Variants in RAB3C observed in about 807,000 individuals in gnomAD.
RAB3C encodes the protein RAB3C, member RAS oncogene family.
In RAB3C, 17 loss-of-function variants were observed where a neutral mutation model predicts 26.4. That is an observed-to-expected ratio of 0.64 (90% confidence interval 0.44 to 0.97). RAB3C has a LOEUF of 0.97. Ranked by LOEUF, RAB3C falls within the 50% of genes least tolerant of loss-of-function variation. The probability of loss-of-function intolerance (pLI) is 0.00; values close to 1 mark genes in which losing one functional copy is unlikely to be tolerated. For synonymous variants in RAB3C, 91 were observed against 95.9 expected, an observed-to-expected ratio of 0.95 and a Z score of 0.30; for missense variants, 242 against 281.9, an observed-to-expected ratio of 0.86 and a Z score of 1.01.
chr5:58,809,769 C>T (rs10046101), intron 3 of RAB3C, among the ~76,000 whole-genome samples: 8,002 of 152,212 alleles, frequency 0.053, 286 homozygotes, highest in East Asian at 0.11. Flanking sequence ...AGAGATCCCT[C>T]ACCAGGAACT....
intron 4 of RAB3C, among the ~76,000 whole-genome samples, chr5:58,825,835 T>C (rs1182686607): frequency 6.6e-6 from 1 of 152,102 alleles, no homozygotes; most frequent in African/African-American, 2.4e-5. Context: ...GGATTGATGA[T>C]TGATGATTGA....
intron 2 of RAB3C, among the ~76,000 whole-genome samples, chr5:58,620,153 C>T (rs778461464): frequency 1.2e-4 from 19 of 152,178 alleles, no homozygotes; most frequent in South Asian, 6.2e-4. Flanking sequence ...TTCTCCTGCT[C>T]TGTGGATGCC....
chr5:58,601,171 T>A (rs1228155154), intron 1 of RAB3C, among the ~76,000 whole-genome samples: 1 of 152,160 alleles, frequency 6.6e-6, no homozygotes, highest in Non-Finnish European at 1.5e-5. Context: ...TGTTAAACTG[T>A]CCCTGCATAT....
chr5:58,713,652 A>G (rs1472065502), intron 2 of RAB3C, among the ~76,000 whole-genome samples: 1 of 152,236 alleles, frequency 6.6e-6, no homozygotes, highest in Non-Finnish European at 1.5e-5. Flanking sequence ...TTTAGAATTG[A>G]CAATGGTAAT....
intron 1 of RAB3C, among the ~76,000 whole-genome samples, chr5:58,584,222 A>C (rs1490834766): frequency 6.6e-6 from 1 of 152,202 alleles, no homozygotes; most frequent in Non-Finnish European, 1.5e-5. Context: ...AGCGTTTTCC[A>C]ACTGGTTTCT....
At position 58,617,884 on chromosome 5, in the gene RAB3C, A is replaced by T; in HGVS notation, c.252+14A>T. 1 of 1,532,214 alleles carries T rather than the reference A, an allele frequency of 6.5e-7. No homozygotes were observed. The allele number at this position is 1,532,214 out of a possible 1,614,324, so 94.9% of individuals were successfully genotyped here. Reference sequence around the variant, plus strand: ...CTTCAGATTTGGGTAAGTGGCTTTGAACTGGCAGTGTTCTTCAGGCTGGGG... The same window carrying T: ...CTTCAGATTTGGGTAAGTGGCTTTGTACTGGCAGTGTTCTTCAGGCTGGGG... On this transcript the variant is annotated intron_variant, in intron 2 of 4. Coordinates refer to ENST00000282878, the MANE Select transcript of RAB3C (RefSeq NM_138453.4).
intron 2 of RAB3C, among the ~76,000 whole-genome samples, chr5:58,673,573 T>C (rs1748166601): frequency 1.3e-5 from 2 of 151,858 alleles, no homozygotes; most frequent in South Asian, 4.2e-4. Flanking sequence ...TAAAAAGACA[T>C]CATACATTTT....
At chr5:58,786,434 G>T (rs934315063) in intron 3 of RAB3C, among the ~76,000 whole-genome samples, 1 of 152,044 alleles carries the variant, frequency 6.6e-6, no homozygotes, top group South Asian at 2.1e-4. Context: ...TGGAACAGGC[G>T]ACTCCAGACA....
intron 1 of RAB3C, among the ~76,000 whole-genome samples, chr5:58,605,565 C>T (rs553683214): frequency 6.6e-5 from 10 of 152,066 alleles, no homozygotes; most frequent in Non-Finnish European, 8.8e-5. Context: ...CACAACTTAA[C>T]GGAGCAGAAA....
At chr5:58,778,362 A>T (rs1054981978) in intron 3 of RAB3C, among the ~76,000 whole-genome samples, 7 of 152,118 alleles carry the variant, frequency 4.6e-5, no homozygotes, top group African/African-American at 1.7e-4. Context: ...CAATCTTAAA[A>T]TCCTTTAGAG....
At chr5:58,666,650 A>C (rs554853999) in intron 2 of RAB3C, among the ~76,000 whole-genome samples, 1 of 152,206 alleles carries the variant, frequency 6.6e-6, no homozygotes, top group Non-Finnish European at 1.5e-5. Flanking sequence ...GTTAGTAGAG[A>C]TAGGGGCTGC....
chr5:58,839,349 T>TTTA (rs60911473), intron 4 of RAB3C, among the ~76,000 whole-genome samples: 1,643 of 98,840 alleles, frequency 0.017, 25 homozygotes, highest in Middle Eastern at 0.03. Context: ...TAAGTTTTTA[T>TTTA]TTTATTTATT....
intron 3 of RAB3C, among the ~76,000 whole-genome samples, chr5:58,740,486 C>A (rs2591920): frequency 0.54 from 81,539 of 151,920 alleles, 22,408 homozygotes; most frequent in East Asian, 0.63. Flanking sequence ...ATTTATATAA[C>A]TGTTATGTCA....
At chr5:58,838,353 C>G (rs952489575) in intron 4 of RAB3C, among the ~76,000 whole-genome samples, 1 of 150,330 alleles carries the variant, frequency 6.7e-6, no homozygotes, top group Non-Finnish European at 1.5e-5. Flanking sequence ...GCACTCCAGC[C>G]TGGGGACAGA....
chr5:58,745,325 G>C (rs1741375831), intron 3 of RAB3C, among the ~76,000 whole-genome samples: 1 of 147,442 alleles, frequency 6.8e-6, no homozygotes, highest in Admixed American at 6.9e-5. Context: ...GTGAACCCGG[G>C]AGGCAGAGCT....
At chr5:58,822,769 T>C (rs1743372640) in intron 3 of RAB3C, 1 of 549,084 alleles carries the variant, frequency 1.8e-6, no homozygotes, top group Admixed American at 2.1e-5. Context: ...CAAAATAAGG[T>C]GTGAAGGTTG....
chr5:58,612,630 T>C (rs181383000), intron 1 of RAB3C, among the ~76,000 whole-genome samples: 35 of 150,304 alleles, frequency 2.3e-4, no homozygotes, highest in Admixed American at 1.3e-3. Flanking sequence ...TTGACTGTTA[T>C]TGGTGTTTAG....
intron 3 of RAB3C, among the ~76,000 whole-genome samples, chr5:58,731,823 T>C: frequency 6.6e-6 from 1 of 152,152 alleles, no homozygotes; most frequent in East Asian, 1.9e-4. Flanking sequence ...GTTACACATA[T>C]ATGGGTGACT....
chr5:58,633,386 A>C (rs537789154), intron 2 of RAB3C, among the ~76,000 whole-genome samples: 1 of 152,192 alleles, frequency 6.6e-6, no homozygotes, highest in Non-Finnish European at 1.5e-5. Context: ...ATAGGAAGGA[A>C]AGTAGAGGGG....
Sources: allele counts gnomAD v4.1 joint callset (sites outside exome capture counted in the v4.1 genomes callset), GRCh38; gene constraint gnomAD v4.1.1; transcripts MANE v1.5; gene names NCBI Gene and HGNC (gene_info 2026-07-23, HGNC 2026-07-21).